RASSF6: variants seen among roughly 807,000 people sequenced by gnomAD.
RASSF6 encodes the protein Ras association domain family member 6.
Under a neutral mutation model 44.0 loss-of-function variants are expected in RASSF6, and 52 were observed. The ratio of observed to expected loss-of-function variants is 1.18; its 90% CI spans 0.95 to 1.49. The LOEUF is 1.49. RASSF6 is among the 40% of genes most tolerant of loss of function. RASSF6 has a pLI of 0.00. For synonymous variants in RASSF6, 162 were observed against 124.6 expected (o/e 1.30, Z -2.00); for missense variants, 464 against 393.3 (o/e 1.18, Z -1.52).
intron 2 of RASSF6, among the ~76,000 whole-genome samples, chr4:73,599,648 T>C (rs1050624806): frequency 1.3e-5 from 2 of 152,172 alleles, no homozygotes; most frequent in Non-Finnish European, 2.9e-5. Context: ...GAGATGCTCC[T>C]CTTGAGATGA....
At chr4:73,585,041 A>G in intron 6 of RASSF6, 139 bp downstream of exon 6, 2 of 545,718 alleles carry the variant, frequency 3.7e-6, no homozygotes, top group Non-Finnish European at 6.4e-6. Context: ...AATATCTAGC[A>G]CATAGAGAGT....
intron 1 of RASSF6, 118 bp downstream of exon 1, chr4:73,620,170 G>T (rs958386914): frequency 7.3e-6 from 4 of 550,672 alleles, no homozygotes; most frequent in Non-Finnish European, 1.2e-5. Flanking sequence ...GATTCAGGCT[G>T]CTATGACACA....
rs978735657 is a variant in RASSF6 at position 73,575,024 on chromosome 4, T to C, written c.*1211A>G. Reference sequence around the variant, plus strand: ...TAGGCTTGAAAAGGCCATAGCACACTTTCACCTTCAACCAGTTTAGGTTTG... The same window carrying C: ...TAGGCTTGAAAAGGCCATAGCACACCTTCACCTTCAACCAGTTTAGGTTTG... On this transcript the variant is annotated 3_prime_UTR_variant, in exon 11 of 11. Coordinates refer to ENST00000307439, the MANE Select transcript of RASSF6 (RefSeq NM_177532.5). 6.6e-6 allele frequency: 1 copy of C among 152,180 alleles called. No homozygotes were observed. Among genetic ancestry groups the C allele is most frequent in the African/African-American group, 2.4e-5 (1 of 41,432 alleles). The allele number at this position is 152,180 out of a possible 1,614,324, so 9.4% of individuals were successfully genotyped here.
chr4:73,617,698 T>C (rs2149402361), intron 1 of RASSF6, among the ~76,000 whole-genome samples: 1 of 152,304 alleles, frequency 6.6e-6, no homozygotes, highest in South Asian at 2.1e-4. Flanking sequence ...CTGAAAGCAG[T>C]GGTATTAGTT....
In RASSF6 at chr4:73,585,311, C is replaced by A; in HGVS notation, c.436G>T (p.Asp146Tyr). 3 of 1,609,750 alleles carry A rather than the reference C, an allele frequency of 1.9e-6. No individual in the cohort carries two copies. Among genetic ancestry groups the A allele is most frequent in the Non-Finnish European group, 2.5e-6 (3 of 1,177,852 alleles). Residue 146 changes from aspartate to tyrosine, a missense_variant, in exon 6 of 11, where the codon GAC (aspartate) becomes TAC (tyrosine). By Grantham distance (160) the Asp-to-Tyr change is radical. Coordinates refer to ENST00000307439, the MANE Select transcript of RASSF6 (RefSeq NM_177532.5). ...TLKPHAKDEP[D>Y]SPVLYRTMSE... is the part of the protein sequence containing the mutation. Reference sequence around the variant, plus strand: ...ATGGTTCTATAGAGCACTGGGGAGTCTGGTTCATCCTTTGCATGTGGCTTC... The same window carrying A: ...ATGGTTCTATAGAGCACTGGGGAGTATGGTTCATCCTTTGCATGTGGCTTC...
chr4:73,617,001 T>C (rs1726406866), intron 1 of RASSF6, among the ~76,000 whole-genome samples: 1 of 152,234 alleles, frequency 6.6e-6, no homozygotes, highest in African/African-American at 2.4e-5. Context: ...AACAGAGTGA[T>C]GGTTTCTGGG....
At chr4:73,592,080 C>A (rs1724601519) in intron 4 of RASSF6, among the ~76,000 whole-genome samples, 1 of 152,140 alleles carries the variant, frequency 6.6e-6, no homozygotes, top group African/African-American at 2.4e-5. Flanking sequence ...GGAAGAGACT[C>A]AGGCAAATGG....
intron 2 of RASSF6, among the ~76,000 whole-genome samples, chr4:73,601,467 C>T (rs1399650606): frequency 6.6e-6 from 1 of 152,096 alleles, no homozygotes; most frequent in Non-Finnish European, 1.5e-5. Flanking sequence ...AGCTGGATAC[C>T]ATAGAAGTAT....
chr4:73,604,906 T>A (rs76236763), intron 2 of RASSF6, among the ~76,000 whole-genome samples: 1 of 151,562 alleles, frequency 6.6e-6, no homozygotes, highest in South Asian at 2.1e-4. Flanking sequence ...TTTTGTTTTT[T>A]GAGATGGAGT....
intron 2 of RASSF6, among the ~76,000 whole-genome samples, chr4:73,606,238 A>G (rs1253562402): frequency 1.3e-5 from 2 of 152,262 alleles, no homozygotes; most frequent in South Asian, 2.1e-4. Context: ...GTAGCCATAA[A>G]AAAGAGCAAA....
At chr4:73,603,531 G>T (rs527930352) in intron 2 of RASSF6, among the ~76,000 whole-genome samples, 302 of 152,190 alleles carry the variant, frequency 2.0e-3, no homozygotes, top group Admixed American at 4.3e-3. Flanking sequence ...TTCCTTTAAG[G>T]CTCCAGCTTG....
intron 2 of RASSF6, among the ~76,000 whole-genome samples, chr4:73,607,987 TTCCTCTCCCCTTCTC>T (rs201457901): frequency 0.92 from 17,814 of 19,290 alleles, 8,202 homozygotes; most frequent in Middle Eastern, 1. Context: ...TCTACTCTTC[TTCCTCTCCCCTTCTC>T]TCCTCTCCTC....
intron 6 of RASSF6, among the ~76,000 whole-genome samples, chr4:73,582,566 G>A (rs1020823262): frequency 1.3e-5 from 2 of 152,044 alleles, no homozygotes; most frequent in Non-Finnish European, 2.9e-5. Flanking sequence ...TGCAGTTTAA[G>A]ATTTCAAAAT....
At chr4:73,607,195 T>A (rs768583504) in intron 2 of RASSF6, among the ~76,000 whole-genome samples, 17 of 152,364 alleles carry the variant, frequency 1.1e-4, no homozygotes, top group South Asian at 2.1e-4. Flanking sequence ...TTTGTTAACA[T>A]CTTTAAATGT....
In RASSF6 at chr4:73,576,216, G is replaced by T. The variant is rs752050819; in HGVS notation, c.*19C>A. ...TCTCTGAGTTTTTTGAAATGTTTTA[G>T]CAATAGAAGCTTGTACTGCTAAACT... On this transcript the variant is annotated 3_prime_UTR_variant, in exon 11 of 11. Transcript: ENST00000307439. The T allele has an allele frequency of 2.9e-6, 4 of 1,390,446 alleles. No homozygotes were observed. The Admixed American group carries it at 5.9e-5, about 21-fold the overall frequency. The allele number at this position is 1,390,446 out of a possible 1,614,324, so 86.1% of individuals were successfully genotyped here. A position where few individuals can be genotyped will look rare whatever the true frequency, so the allele number is the denominator to read the frequency against.
intron 5 of RASSF6, among the ~76,000 whole-genome samples, chr4:73,587,044 A>G (rs1348055925): frequency 6.6e-6 from 1 of 151,978 alleles, no homozygotes; most frequent in East Asian, 1.9e-4. Context: ...AACCCTGTCC[A>G]CCACCCCTCA....
rs772521455 is a variant in RASSF6, at chr4:73,573,960, A to C, written c.*2275T>G. On this transcript the variant is annotated 3_prime_UTR_variant, in exon 11 of 11. Coordinates refer to ENST00000307439, the MANE Select transcript of RASSF6 (RefSeq NM_177532.5). ...CCAGGCTGACAGGCCAGGCTACTGG[A>C]GAGCAGGCTTTTTTCCTTCACTACT... 4.6e-5 allele frequency: 7 copies of C among 152,236 alleles called. No individual in the cohort carries two copies. The highest frequency in any genetic ancestry group is 1.0e-4 in the Non-Finnish European group (7 of 68,080). 9.4% of individuals were successfully genotyped at this position (152,236 alleles called of 1,614,324 possible). A position where few individuals can be genotyped will look rare whatever the true frequency, so the allele number is the denominator to read the frequency against.
intron 2 of RASSF6, among the ~76,000 whole-genome samples, chr4:73,603,474 G>T (rs113331317): frequency 2.6e-5 from 4 of 152,016 alleles, no homozygotes; most frequent in East Asian, 1.9e-4. Context: ...TGACCTTGGT[G>T]GGGGGCAGGT....
At chr4:73,615,661 A>G (rs978338676) in intron 1 of RASSF6, among the ~76,000 whole-genome samples, 26 of 152,362 alleles carry the variant, frequency 1.7e-4, no homozygotes, top group African/African-American at 5.5e-4. Flanking sequence ...TTGTCCAGAA[A>G]CAATGAAGCT....
Sources: allele counts gnomAD v4.1 joint callset (sites outside exome capture counted in the v4.1 genomes callset), GRCh38; gene constraint gnomAD v4.1.1; transcripts MANE v1.5; gene names NCBI Gene and HGNC (gene_info 2026-07-23, HGNC 2026-07-21).